ZNF532: variants seen among roughly 807,000 people sequenced by gnomAD.
The protein encoded by ZNF532 is zinc finger protein 532.
ZNF532 carries 22 observed loss-of-function variants against 89.3 expected under a neutral mutation model. The ratio of observed to expected loss-of-function variants is 0.25; its 90% confidence interval spans 0.18 to 0.35. The LOEUF is 0.35. Ranked by LOEUF, ZNF532 falls within the 10% of genes least tolerant of loss-of-function variation. The probability of loss-of-function intolerance (pLI) is 1.00; values close to 1 mark genes in which losing one functional copy is unlikely to be tolerated. For synonymous variants in ZNF532, 606 were observed against 649.6 expected (o/e 0.93, Z 1.02); for missense variants, 1,132 against 1,643.4 (o/e 0.69, Z 5.38).
intron 2 of ZNF532, among the ~76,000 whole-genome samples, chr18:58,904,945 A>G (rs35160920): frequency 6.6e-6 from 1 of 150,790 alleles, no homozygotes; most frequent in East Asian, 2.0e-4. Flanking sequence ...GAGTTCTAGC[A>G]GTTCTCGTGC....
rs2060905848 is a variant in ZNF532, at chr18:58,919,985, G to T, written c.1698G>T (p.Lys566Asn). Residue 566 changes from lysine (K) to asparagine (N), a missense_variant, in exon 3 of 10, where the codon AAG becomes AAT. Lys to Asn is a moderately conservative substitution (Grantham distance 94, BLOSUM62 0). Transcript: ENST00000591808. This position sits in a 1 kb window ranked among gnomAD's most constrained non-coding sequence, Gnocchi z 6.1. ...CAGCAGCCTCGCAACCCCCCAAAAA[G>T]GTGTCTCGAGTCCAGGTGGTGTCGT... Reference protein sequence around the residue: ...INAAASQPPKKVSRVQVVSSL... With the variant: ...INAAASQPPKNVSRVQVVSSL... 1 of 1,613,548 alleles carries T rather than the reference G, an allele frequency of 6.2e-7. No homozygotes were observed. The highest frequency in any genetic ancestry group is 8.5e-7 in the Non-Finnish European group (1 of 1,179,738).
intron 4 of ZNF532, among the ~76,000 whole-genome samples, chr18:58,939,189 A>G (rs1316093897): frequency 1.4e-5 from 2 of 140,226 alleles, no homozygotes; most frequent in Non-Finnish European, 3.1e-5. Context: ...GGAGGTTGCA[A>G]TGAGCCGGGA....
At chr18:58,941,972 C>CTCCCTCCTTCCCTCCTTCCCTCCT (rs200257020) in intron 5 of ZNF532, among the ~76,000 whole-genome samples, 2 of 129,496 alleles carry the variant, frequency 1.5e-5, no homozygotes, top group Non-Finnish European at 3.4e-5. Context: ...CTCTCCCTCC[C>CTCCCTCCTTCCCTCCTTCCCTCCT]TCCCTCCTTC....
At chr18:58,883,253 A>G (rs371539940) in intron 2 of ZNF532, among the ~76,000 whole-genome samples, 3 of 152,224 alleles carry the variant, frequency 2.0e-5, no homozygotes, top group South Asian at 2.1e-4. Flanking sequence ...TTTAAAGTCA[A>G]TGATGGTGGG....
chr18:58,935,038 T>C lies in ZNF532; in HGVS notation c.2528+424T>C, dbSNP rs186771413. On this transcript the variant is annotated intron_variant, in intron 4 of 9. Coordinates refer to ENST00000591808, the MANE Select transcript of ZNF532 (RefSeq NM_001375912.1). ...GTCTTTTACTTTTATTTGGTCCACATTGAAAGATGGGGTGTATGTTCCAGC... is the reference window on the plus strand; with the variant it reads ...GTCTTTTACTTTTATTTGGTCCACACTGAAAGATGGGGTGTATGTTCCAGC... Among the ~76,000 whole-genome samples, 323 of 151,862 alleles carry C rather than the reference T, an allele frequency of 2.1e-3. 1 individual carries two copies. Among genetic ancestry groups the C allele is most frequent in the Middle Eastern group, 3.4e-3 (1 of 294 alleles).
intron 2 of ZNF532, among the ~76,000 whole-genome samples, chr18:58,871,415 G>A (rs1363574129): frequency 6.6e-6 from 1 of 152,146 alleles, no homozygotes; most frequent in Admixed American, 6.6e-5. Context: ...ATTTGATACC[G>A]AAATGATGAG....
At chr18:58,951,211 C>T (rs1018169566) in intron 6 of ZNF532, among the ~76,000 whole-genome samples, 2 of 152,174 alleles carry the variant, frequency 1.3e-5, no homozygotes, top group Admixed American at 1.3e-4. Context: ...ATTCTCCTGC[C>T]TTGGCCTTCT....
intron 2 of ZNF532, among the ~76,000 whole-genome samples, chr18:58,876,270 C>A (rs532925391): frequency 6.6e-6 from 1 of 152,294 alleles, no homozygotes; most frequent in African/African-American, 2.4e-5. Flanking sequence ...GATAATGATT[C>A]TGTAGGGCTG....
chr18:58,968,960 C>G (rs1287360145), intron 7 of ZNF532, among the ~76,000 whole-genome samples: 1 of 152,108 alleles, frequency 6.6e-6, no homozygotes, highest in African/African-American at 2.4e-5. Flanking sequence ...CCTAAAACAA[C>G]TAGAAAATAA....
At chr18:58,869,988 G>A (rs759177281) in intron 2 of ZNF532, among the ~76,000 whole-genome samples, 20 of 150,542 alleles carry the variant, frequency 1.3e-4, no homozygotes, top group Non-Finnish European at 2.7e-4. Flanking sequence ...GGCTGGTCTC[G>A]AACTCCTGAC....
intron 6 of ZNF532, among the ~76,000 whole-genome samples, chr18:58,950,806 A>G (rs1274108954): frequency 6.6e-6 from 1 of 152,192 alleles, no homozygotes; most frequent in African/African-American, 2.4e-5. Context: ...TTTATTTAAA[A>G]ATGACAGTAT....
chr18:58,907,617 T>G (rs1349563338), intron 2 of ZNF532, among the ~76,000 whole-genome samples: 2 of 152,146 alleles, frequency 1.3e-5, no homozygotes, highest in African/African-American at 4.8e-5. Flanking sequence ...TATTCATAAT[T>G]TTGTGGTCAT....
At chr18:58,958,756 T>A (rs899248914) in intron 7 of ZNF532, among the ~76,000 whole-genome samples, 3 of 152,234 alleles carry the variant, frequency 2.0e-5, no homozygotes, top group Admixed American at 6.6e-5. Context: ...TCCCACCACC[T>A]TTGTAGTCTC....
chr18:58,941,292 GTTCT>G (rs969259801), intron 5 of ZNF532, among the ~76,000 whole-genome samples: 1 of 151,928 alleles, frequency 6.6e-6, no homozygotes, highest in African/African-American at 2.4e-5. Flanking sequence ...TTTTTATTTG[GTTCT>G]TTATTAAAAT....
At chr18:58,948,424 C>G (rs73959542) in intron 6 of ZNF532, among the ~76,000 whole-genome samples, 195 bp downstream of exon 6, 10,406 of 152,120 alleles carry the variant, frequency 0.068, 613 homozygotes, top group African/African-American at 0.16. Context: ...ATTCAGGAGT[C>G]CTGATCTGCC....
intron 5 of ZNF532, among the ~76,000 whole-genome samples, chr18:58,944,385 G>A (rs773991783): frequency 8.6e-5 from 13 of 150,828 alleles, no homozygotes; most frequent in African/African-American, 2.7e-4. Flanking sequence ...TCTCCTTCCC[G>A]TACTGGCTTT....
chr18:58,941,934 CTT>C (rs769478467), intron 5 of ZNF532, among the ~76,000 whole-genome samples: 16 of 145,350 alleles, frequency 1.1e-4, no homozygotes, highest in Non-Finnish European at 2.1e-4. Context: ...TTCCTTTTCT[CTT>C]TTCTTCTTTC....
chr18:58,942,353 T>TCCTCCCTCCCTC (rs1411822235), intron 5 of ZNF532, among the ~76,000 whole-genome samples: 78 of 36,052 alleles, frequency 2.2e-3, no homozygotes, highest in African/African-American at 0.013. Context: ...CTCCCTCCCT[T>TCCTCCCTCCCTC]CCTTCCTTCC....
intron 9 of ZNF532, among the ~76,000 whole-genome samples, chr18:58,982,473 T>C (rs1163221348): frequency 6.6e-6 from 1 of 151,642 alleles, no homozygotes; most frequent in African/African-American, 2.4e-5. Context: ...GTACAAAAAT[T>C]AGCCAGGCGT....
Sources: gnomAD v4.1 joint callset for allele counts (sites outside exome capture counted in the v4.1 genomes callset) on GRCh38, gnomAD v4.1.1 for gene constraint, Gnocchi (gnomAD v3.1) non-coding constraint, MANE v1.5 for transcripts, NCBI Gene and HGNC (gene_info 2026-07-23, HGNC 2026-07-21) for gene names.